HNF4G: variants seen among roughly 807,000 people sequenced by gnomAD.
HNF4G encodes hepatocyte nuclear factor 4 gamma.
A neutral mutation model predicts 50.9 loss-of-function variants in HNF4G; 21 were observed. The observed-to-expected ratio is 0.41, with a 90% confidence interval of 0.29 to 0.59. HNF4G has a LOEUF of 0.59. Among genes scored for constraint, HNF4G ranks in the 20% least tolerant of loss-of-function variants. The pLI is 0.26. For missense variants in HNF4G, 527 were observed against 559.4 expected (o/e 0.94, Z 0.58); for synonymous variants, 198 against 185.6 (o/e 1.07, Z -0.54).
intron 2 of HNF4G, among the ~76,000 whole-genome samples, chr8:75,544,671 C>T (rs1425662802): frequency 3.3e-5 from 5 of 150,534 alleles, no homozygotes; most frequent in Admixed American, 3.3e-4. Flanking sequence ...TTGATTAATA[C>T]CTAGTCAACA....
intron 1 of HNF4G, among the ~76,000 whole-genome samples, chr8:75,414,466 C>A (rs1810582099): frequency 6.6e-6 from 1 of 152,000 alleles, no homozygotes; most frequent in Admixed American, 6.5e-5. Context: ...ATGAAATCAC[C>A]ACAGTAAAGA....
chr8:75,422,702 C>T (rs1240630736), intron 1 of HNF4G, among the ~76,000 whole-genome samples: 2 of 151,124 alleles, frequency 1.3e-5, no homozygotes, highest in South Asian at 4.2e-4. Context: ...GGTGCGATCT[C>T]GGCTCACTGC....
intron 1 of HNF4G, among the ~76,000 whole-genome samples, chr8:75,469,052 G>A (rs1812056470): frequency 6.6e-6 from 1 of 152,136 alleles, no homozygotes; most frequent in Non-Finnish European, 1.5e-5. Flanking sequence ...TAATAATTTA[G>A]CTGATCTAGG....
intron 1 of HNF4G, among the ~76,000 whole-genome samples, chr8:75,486,167 T>TTTCTTGACCATCACATTTGAC (rs1452720135): frequency 3.9e-5 from 6 of 152,220 alleles, no homozygotes; most frequent in Non-Finnish European, 2.9e-5. Flanking sequence ...CTAGCTCTTC[T>TTTCTTGACCATCACATTTGAC]TTCTTGACCA....
chr8:75,466,500 C>G (rs993073255), intron 1 of HNF4G, among the ~76,000 whole-genome samples: 1 of 150,982 alleles, frequency 6.6e-6, no homozygotes, highest in Admixed American at 6.6e-5. Flanking sequence ...GTCCCTTCCT[C>G]CCTCTCTCCC....
intron 2 of HNF4G, among the ~76,000 whole-genome samples, chr8:75,509,237 G>T (rs1805685695): frequency 6.6e-6 from 1 of 152,284 alleles, no homozygotes; most frequent in Admixed American, 6.5e-5. Context: ...TCCAAGGGAA[G>T]TGTAAAGGGA....
At chr8:75,532,813 C>T (rs906243791) in intron 2 of HNF4G, among the ~76,000 whole-genome samples, 1 of 152,020 alleles carries the variant, frequency 6.6e-6, no homozygotes, top group Non-Finnish European at 1.5e-5. Context: ...AGTATCAGGG[C>T]TACACCTCTA....
intron 2 of HNF4G, among the ~76,000 whole-genome samples, chr8:75,513,327 C>T (rs1290613350): frequency 6.6e-6 from 1 of 152,214 alleles, no homozygotes; most frequent in Non-Finnish European, 1.5e-5. Context: ...CATGAGCCAC[C>T]GCACCTGGCC....
chr8:75,480,174 T>C (rs62521458), intron 1 of HNF4G, among the ~76,000 whole-genome samples: 3 of 152,210 alleles, frequency 2.0e-5, no homozygotes, highest in Non-Finnish European at 2.9e-5. Context: ...GAATTAATAA[T>C]AACACAAAAG....
chr8:75,556,937 C>T (rs1807146320), intron 6 of HNF4G, among the ~76,000 whole-genome samples: 1 of 152,130 alleles, frequency 6.6e-6, no homozygotes, highest in Admixed American at 6.5e-5. Flanking sequence ...ATTAGTACTA[C>T]TATTTTCAGC....
chr8:75,421,721 G>A (rs1232124683), intron 1 of HNF4G, among the ~76,000 whole-genome samples: 2 of 152,076 alleles, frequency 1.3e-5, no homozygotes, highest in Non-Finnish European at 2.9e-5. Context: ...GCTTCACCCC[G>A]GGACTCAGTA....
Position 75,540,049 on chromosome 8 carries a change from T to G in HNF4G, c.87T>G (p.Phe29Leu). ...ACCCAACTTACACAACTTTGGAGTTTGAAACTATGCAGATTCTATATAATT... is the reference window on the plus strand; with the variant it reads ...ACCCAACTTACACAACTTTGGAGTTGGAAACTATGCAGATTCTATATAATT... ...VLDPTYTTLE[F>L]ETMQILYNSS... Residue 29 changes from phenylalanine to leucine, a missense_variant, in exon 1 of 10, where the codon TTT becomes TTG. Physicochemically the swap from Phe to Leu is conservative, Grantham distance 22. This residue lies in a region of HNF4G where 84 missense variants were observed against 87.1 expected (regional missense o/e 0.96). Transcript: ENST00000396423. 1 of 1,602,532 alleles carries G rather than the reference T, an allele frequency of 6.2e-7. No individual in the cohort carries two copies. The highest frequency in any genetic ancestry group is 8.5e-7 in the Non-Finnish European group (1 of 1,169,634).
chr8:75,558,036 T>TA lies in HNF4G; in HGVS notation c.734-471dup, dbSNP rs11288885. On this transcript the variant is annotated intron_variant, in intron 6 of 9. Coordinates refer to ENST00000396423, the MANE Select transcript of HNF4G (RefSeq NM_004133.5). ...ACTCATGAGAATTCACATGCTAATT[T>TA]AAAAAAAAAAATCAACCTCCTTTAC... Among the ~76,000 whole-genome samples, 975 of 149,322 alleles carry TA rather than the reference T, an allele frequency of 6.5e-3. 9 individuals are homozygous for TA. Among genetic ancestry groups the TA allele is most frequent in the Non-Finnish European group, 7.1e-3 (479 of 67,138 alleles).
intron 2 of HNF4G, among the ~76,000 whole-genome samples, chr8:75,490,927 A>G (rs983399526): frequency 2.0e-5 from 3 of 152,168 alleles, no homozygotes; most frequent in Admixed American, 6.5e-5. Context: ...TTCCTATATT[A>G]GTCAGCTCAG....
intron 2 of HNF4G, 81 bp downstream of exon 2, chr8:75,544,060 G>A (rs1306749437): frequency 5.6e-6 from 7 of 1,254,012 alleles, no homozygotes; most frequent in South Asian, 3.1e-5. Context: ...AGAAAATTCA[G>A]AGTTTTCGTA....
chr8:75,433,677 G>A (rs908136279), intron 1 of HNF4G, among the ~76,000 whole-genome samples: 1 of 152,024 alleles, frequency 6.6e-6, no homozygotes, highest in Non-Finnish European at 1.5e-5. Context: ...GGGATTACAG[G>A]CATAAGCCAC....
intron 1 of HNF4G, among the ~76,000 whole-genome samples, chr8:75,470,111 A>C (rs1221914917): frequency 2.6e-5 from 4 of 152,180 alleles, no homozygotes; most frequent in Admixed American, 2.6e-4. Flanking sequence ...AGCCTGATTC[A>C]TCTTCCAGAG....
intron 2 of HNF4G, among the ~76,000 whole-genome samples, chr8:75,493,961 T>C (rs1439095356): frequency 6.6e-6 from 1 of 152,164 alleles, no homozygotes; most frequent in African/African-American, 2.4e-5. Flanking sequence ...TGCCAAATAA[T>C]AGAATCTACC....
intron 1 of HNF4G, 75 bp from the exon 2 acceptor site, chr8:75,543,736 T>C: frequency 7.8e-7 from 1 of 1,278,236 alleles, no homozygotes; most frequent in East Asian, 2.5e-5. Context: ...GTTATGAGCC[T>C]ATAAATAATT....
Sources: allele counts gnomAD v4.1 joint callset (sites outside exome capture counted in the v4.1 genomes callset), GRCh38; gene constraint gnomAD v4.1.1; regional missense constraint gnomAD v4.1.1; transcripts MANE v1.5; gene names NCBI Gene and HGNC (gene_info 2026-07-23, HGNC 2026-07-21).